The following TMEM232 variants were observed in gnomAD, a reference collection of about 807,000 sequenced individuals.
TMEM232 encodes transmembrane protein 232.
In TMEM232, 80 loss-of-function variants were observed where a neutral mutation model predicts 78.8. The observed-to-expected ratio is 1.01, with a 90% CI of 0.85 to 1.22. TMEM232 has a LOEUF of 1.22. Ranked by LOEUF, TMEM232 falls within the 50% of genes most tolerant of loss-of-function variation. TMEM232 has a pLI of 0.00. For synonymous variants in TMEM232, 297 were observed against 254.3 expected, an observed-to-expected ratio of 1.17 and a Z score of -1.60; for missense variants, 881 against 742.2, an observed-to-expected ratio of 1.19 and a Z score of -2.17.
chr5:110,724,202 G>A (rs574653350), intron 1 of TMEM232, among the ~76,000 whole-genome samples: 3 of 151,986 alleles, frequency 2.0e-5, no homozygotes, highest in Non-Finnish European at 4.4e-5. Flanking sequence ...TATATCTTTC[G>A]ATATTCACAT....
chr5:110,595,225 C>T (rs1780013691), intron 10 of TMEM232, among the ~76,000 whole-genome samples: 1 of 152,136 alleles, frequency 6.6e-6, no homozygotes, highest in East Asian at 1.9e-4. Flanking sequence ...GCAATAACAT[C>T]AATATCAACT....
At chr5:110,486,050 T>C (rs2149406183) in intron 12 of TMEM232, among the ~76,000 whole-genome samples, 1 of 152,294 alleles carries the variant, frequency 6.6e-6, no homozygotes, top group East Asian at 1.9e-4. Context: ...GTGGTTTTGA[T>C]TTGCATTTCC....
chr5:110,656,318 A>G (rs1051534999), intron 2 of TMEM232, among the ~76,000 whole-genome samples: 2 of 152,092 alleles, frequency 1.3e-5, no homozygotes, highest in Non-Finnish European at 2.9e-5. Context: ...TTTTATCTCC[A>G]CGTGTGTTGA....
At chr5:110,393,249 G>C (rs1351946026) in intron 3 of TMEM232, among the ~76,000 whole-genome samples, 2 of 152,200 alleles carry the variant, frequency 1.3e-5, no homozygotes, top group Admixed American at 1.3e-4. Context: ...CAAATGCTGA[G>C]AGAAAAGTGT....
intron 12 of TMEM232, among the ~76,000 whole-genome samples, chr5:110,495,628 C>T (rs1457256446): frequency 2.0e-5 from 3 of 151,664 alleles, no homozygotes; most frequent in South Asian, 2.1e-4. Context: ...AAAAACTAGA[C>T]GAGGTCAGAA....
intron 8 of TMEM232, chr5:110,610,538 T>C (rs565477123): frequency 1.8e-5 from 8 of 456,342 alleles, no homozygotes; most frequent in African/African-American, 1.6e-4. Flanking sequence ...ATAGTATTTG[T>C]GCAGAGCTTC....
intron 11 of TMEM232, among the ~76,000 whole-genome samples, chr5:110,530,152 T>A (rs1279197699): frequency 3.3e-5 from 5 of 152,188 alleles, no homozygotes; most frequent in Non-Finnish European, 7.3e-5. Flanking sequence ...GATTATTGAA[T>A]TATTTAGACA....
intron 1 of TMEM232, among the ~76,000 whole-genome samples, chr5:110,699,545 C>T (rs980795361): frequency 3.9e-5 from 6 of 151,950 alleles, no homozygotes; most frequent in Admixed American, 3.3e-4. Flanking sequence ...AAGAATTAAG[C>T]AGAAAGAATG....
rs1186518871 is a variant in TMEM232, at chr5:110,655,165, G to C, written c.125+12063C>G. 2.0e-5 allele frequency among the ~76,000 whole-genome samples: 3 copies of C among 151,842 alleles called. No individual in the cohort carries two copies. The East Asian group carries it at 5.8e-4, about 30-fold the overall frequency. On this transcript the variant is annotated intron_variant, in intron 2 of 13. Transcript: ENST00000455884. The stretch of plus-strand genomic sequence containing the variant: ...TTTGCAACCTACTCATCTGACAAAG[G>C]GCTATTATCCAGAATCTACAATGAA...
chr5:110,620,402 A>T (rs1783481211), intron 7 of TMEM232, among the ~76,000 whole-genome samples: 1 of 152,218 alleles, frequency 6.6e-6, no homozygotes, highest in Non-Finnish European at 1.5e-5. Context: ...CCACCCACAA[A>T]ATACATAATC....
chr5:110,401,840 A>G (rs1452722819), intron 2 of TMEM232, among the ~76,000 whole-genome samples: 2 of 152,124 alleles, frequency 1.3e-5, no homozygotes, highest in Non-Finnish European at 2.9e-5. Flanking sequence ...GATATAGGCA[A>G]TACTGAGCCA....
rs139336689 is a variant in TMEM232, at chr5:110,618,572, T to C, written c.769-10A>G. 7.0e-4 allele frequency: 1,079 copies of C among 1,535,254 alleles called. 16 individuals are homozygous for C. The East Asian group carries it at 0.021, about 30-fold the overall frequency. On this transcript the variant is annotated splice_polypyrimidine_tract_variant and intron_variant, in intron 7 of 13. Coordinates refer to ENST00000455884, the MANE Select transcript of TMEM232 (RefSeq NM_001039763.4). Reference sequence around the variant, plus strand: ...TAATTTCATATCCTCCCTGATTAAATTGCAAATGTTTCAGGAATTAAAATA... The same window carrying C: ...TAATTTCATATCCTCCCTGATTAAACTGCAAATGTTTCAGGAATTAAAATA...
chr5:110,414,853 G>A (rs1347768995), downstream of TMEM232, among the ~76,000 whole-genome samples: 1 of 152,130 alleles, frequency 6.6e-6, no homozygotes, highest in Admixed American at 6.6e-5. Flanking sequence ...GACCTCAACT[G>A]TAGAGTGGAT....
At chr5:110,696,727 G>A (rs1204346333) in intron 1 of TMEM232, among the ~76,000 whole-genome samples, 1 of 152,016 alleles carries the variant, frequency 6.6e-6, no homozygotes, top group Non-Finnish European at 1.5e-5. Flanking sequence ...AAATACCTAG[G>A]AATCCAACTT....
At chr5:110,391,697 G>T (rs148503741) in intron 3 of TMEM232, among the ~76,000 whole-genome samples, 118 of 152,220 alleles carry the variant, frequency 7.8e-4, no homozygotes, top group African/African-American at 2.8e-3. Flanking sequence ...AATAAAAATA[G>T]AATCTATTGA....
In TMEM232 at chr5:110,432,289, G is replaced by C. The variant is rs116609250; in HGVS notation, c.1704-7373C>G. On this transcript the variant is annotated intron_variant, in intron 12 of 13. Transcript: ENST00000455884. ...CATCAGACTAACAGAACCCTTATTA[G>C]CAGAAGCCTTACAAACCAGAAGATA... 8.3e-3 allele frequency among the ~76,000 whole-genome samples: 1,260 copies of C among 151,800 alleles called. 19 individuals carry two copies. The highest frequency in any genetic ancestry group is 0.029 in the African/African-American group (1,194 of 41,482).
chr5:110,688,112 T>C (rs2150211308), intron 1 of TMEM232, among the ~76,000 whole-genome samples: 1 of 152,182 alleles, frequency 6.6e-6, no homozygotes, highest in Non-Finnish European at 1.5e-5. Context: ...TGTGTGTGTG[T>C]GTGTGTGTAA....
At chr5:110,587,691 A>ATGTGTGTGTGTGTGTGTGTG (rs147127408) in intron 10 of TMEM232, among the ~76,000 whole-genome samples, 1 of 63,132 alleles carries the variant, frequency 1.6e-5, no homozygotes, top group Non-Finnish European at 2.8e-5. Flanking sequence ...ATATATATAT[A>ATGTGTGTGTGTGTGTGTGTG]TGTGTGTGTG....
intron 5 of TMEM232, among the ~76,000 whole-genome samples, chr5:110,634,348 T>C (rs1290650712): frequency 6.6e-6 from 1 of 152,148 alleles, no homozygotes; most frequent in Non-Finnish European, 1.5e-5. Flanking sequence ...CAAATGGACA[T>C]TAAAGATATT....
Sources: allele counts gnomAD v4.1 joint callset (sites outside exome capture counted in the v4.1 genomes callset), GRCh38; gene constraint gnomAD v4.1.1; transcripts MANE v1.5; gene names NCBI Gene and HGNC (gene_info 2026-07-23, HGNC 2026-07-21).